Variants in NTM observed in about 807,000 individuals in gnomAD.
The protein encoded by NTM is IgLON family member 2.
Under a neutral mutation model 42.1 loss-of-function variants are expected in NTM, and 13 were observed. That is an observed-to-expected ratio of 0.31 (90% CI 0.20 to 0.49). NTM has a LOEUF of 0.49. NTM is among the 20% of genes least tolerant of loss of function. The pLI is 0.99. For missense variants in NTM, 373 were observed against 452.8 expected, an observed-to-expected ratio of 0.82 and a Z score of 1.60; for synonymous variants, 187 against 179.2, an observed-to-expected ratio of 1.04 and a Z score of -0.35.
Position 132,329,293 on chromosome 11 carries a change from A to T in NTM, c.935-860A>T, listed in dbSNP as rs548001328. Among the ~76,000 whole-genome samples, 4 of 152,340 alleles carry T rather than the reference A, an allele frequency of 2.6e-5. No individual in the cohort carries two copies. The East Asian group carries it at 7.7e-4, about 29-fold the overall frequency. The stretch of plus-strand genomic sequence containing the variant: ...TGAACGACAAAGAGGGAAGTAAAAG[A>T]TTAGAGATCATTCCAAATTCAGGCC... On this transcript the variant is annotated intron_variant, in intron 7 of 8. Transcript: ENST00000683400.
chr11:132,308,036 C>T (rs1236985822), intron 5 of NTM, among the ~76,000 whole-genome samples: 1 of 152,206 alleles, frequency 6.6e-6, no homozygotes, highest in Non-Finnish European at 1.5e-5. Context: ...GAAAAAGTAG[C>T]TAAAGTAACT....
intron 1 of NTM, among the ~76,000 whole-genome samples, chr11:131,654,001 C>G (rs2066849820): frequency 6.6e-6 from 1 of 152,220 alleles, no homozygotes; most frequent in African/African-American, 2.4e-5. Context: ...ATGTGACTGT[C>G]TCTTGGCTTC....
intron 1 of NTM, among the ~76,000 whole-genome samples, chr11:131,513,065 T>C (rs75876297): frequency 0.022 from 3,334 of 152,326 alleles, 130 homozygotes; most frequent in African/African-American, 0.076. Flanking sequence ...TTTCAGCCTG[T>C]GACACTGCAT....
At chr11:131,905,101 G>T (rs1015100972) in intron 1 of NTM, among the ~76,000 whole-genome samples, 1 of 152,178 alleles carries the variant, frequency 6.6e-6, no homozygotes, top group Non-Finnish European at 1.5e-5. Context: ...CCTGGGAGCA[G>T]CCAGGCCTGT....
chr11:132,117,496 G>A (rs2064075984), intron 2 of NTM, among the ~76,000 whole-genome samples: 1 of 152,134 alleles, frequency 6.6e-6, no homozygotes, highest in Non-Finnish European at 1.5e-5. Flanking sequence ...ATTTGACAAA[G>A]GGCTTTGAAA....
intron 2 of NTM, among the ~76,000 whole-genome samples, chr11:132,137,989 C>A (rs181928291): frequency 6.6e-6 from 1 of 152,180 alleles, no homozygotes; most frequent in African/African-American, 2.4e-5. Flanking sequence ...CGTTTCCATC[C>A]TTCCACAAAC....
At chr11:131,417,258 C>T (rs73022140) in intron 1 of NTM, among the ~76,000 whole-genome samples, 13,122 of 152,184 alleles carry the variant, frequency 0.086, 664 homozygotes, top group Non-Finnish European at 0.11. Flanking sequence ...TCTTCTACAG[C>T]GAAAACCTAC....
At chr11:131,487,449 C>CAAG (rs1207544268) in intron 1 of NTM, among the ~76,000 whole-genome samples, 3 of 152,174 alleles carry the variant, frequency 2.0e-5, no homozygotes, top group Non-Finnish European at 4.4e-5. Context: ...TAAAGGTTAC[C>CAAG]AAGCTAGTAA....
intron 3 of NTM, among the ~76,000 whole-genome samples, chr11:132,180,913 A>G (rs1054701846): frequency 6.6e-6 from 1 of 152,180 alleles, no homozygotes; most frequent in Non-Finnish European, 1.5e-5. Flanking sequence ...AAAAATGGGG[A>G]GAAGATAAAA....
At chr11:131,818,810 A>G (rs2093057285) in intron 1 of NTM, among the ~76,000 whole-genome samples, 1 of 152,092 alleles carries the variant, frequency 6.6e-6, no homozygotes, top group South Asian at 2.1e-4. Context: ...CTATAATGGG[A>G]ATTACGAGGT....
intron 2 of NTM, among the ~76,000 whole-genome samples, chr11:132,022,041 C>A (rs924476432): frequency 1.3e-5 from 2 of 152,174 alleles, no homozygotes; most frequent in African/African-American, 4.8e-5. Flanking sequence ...ATGACTTCTA[C>A]CAACAGTGCC....
chr11:132,155,758 G>A (rs769012340), intron 3 of NTM, among the ~76,000 whole-genome samples: 4 of 152,342 alleles, frequency 2.6e-5, no homozygotes, highest in Non-Finnish European at 4.4e-5. Context: ...GAGAAAGAAA[G>A]ATGAGAAATT....
intron 4 of NTM, among the ~76,000 whole-genome samples, chr11:132,240,699 A>G (rs2090045330): frequency 6.6e-6 from 1 of 152,238 alleles, no homozygotes; most frequent in Non-Finnish European, 1.5e-5. Context: ...ACTGCACTGA[A>G]GGAAATTTGT....
chr11:131,669,269 A>T (rs2069670404), intron 1 of NTM, among the ~76,000 whole-genome samples: 1 of 152,146 alleles, frequency 6.6e-6, no homozygotes, highest in Non-Finnish European at 1.5e-5. Flanking sequence ...AAAACCATGG[A>T]GGAAATAGAG....
intron 1 of NTM, among the ~76,000 whole-genome samples, chr11:131,443,160 CTA>C (rs1949762308): frequency 6.6e-6 from 1 of 152,046 alleles, no homozygotes; most frequent in Middle Eastern, 3.2e-3. Context: ...ACAGGGTAAG[CTA>C]GATTTGCTGC....
At chr11:131,598,735 C>CTTTCTTTCTTCTTTCTTTT (rs2060080268) in intron 1 of NTM, among the ~76,000 whole-genome samples, 1 of 91,446 alleles carries the variant, frequency 1.1e-5, no homozygotes, top group African/African-American at 3.8e-5. Flanking sequence ...TTCTTTCTTT[C>CTTTCTTTCTTCTTTCTTTT]TTTCTTTCTT....
At chr11:131,826,091 G>A (rs889935720) in intron 1 of NTM, among the ~76,000 whole-genome samples, 5 of 152,126 alleles carry the variant, frequency 3.3e-5, no homozygotes, top group African/African-American at 7.2e-5. Flanking sequence ...TTTATAGGAC[G>A]ATAATGAAGG....
At chr11:131,811,170 A>G (rs574058483) in intron 1 of NTM, among the ~76,000 whole-genome samples, 96 of 152,316 alleles carry the variant, frequency 6.3e-4, no homozygotes, top group Non-Finnish European at 1.0e-3. Flanking sequence ...TTATGTGGCC[A>G]GTATCCACTA....
chr11:131,622,776 C>A (rs912926073), intron 1 of NTM, among the ~76,000 whole-genome samples: 1 of 152,172 alleles, frequency 6.6e-6, no homozygotes, highest in African/African-American at 2.4e-5. Flanking sequence ...GACAAGAGCA[C>A]CCCAGCAACT....
Sources: allele counts gnomAD v4.1 joint callset (sites outside exome capture counted in the v4.1 genomes callset), GRCh38; gene constraint gnomAD v4.1.1; transcripts MANE v1.5; gene names NCBI Gene and HGNC (gene_info 2026-07-23, HGNC 2026-07-21).